Variants in GRAMD4 observed in about 807,000 individuals in gnomAD.
GRAMD4 encodes the protein GRAM domain containing 4.
In GRAMD4, 25 loss-of-function variants were observed where a neutral mutation model predicts 83.9. The observed-to-expected ratio is 0.30, with a 90% CI of 0.22 to 0.42. GRAMD4 has a LOEUF of 0.42. Ranked by LOEUF, GRAMD4 falls within the 10% of genes least tolerant of loss-of-function variation. The pLI is 1.00. For synonymous variants in GRAMD4, 336 were observed against 320.9 expected (o/e 1.05, Z -0.50); for missense variants, 593 against 788.7 (o/e 0.75, Z 2.97).
chr22:46,664,038 A>G lies in GRAMD4; in HGVS notation c.638A>G (p.Lys213Arg). 2 of 1,613,366 alleles carry G rather than the reference A, an allele frequency of 1.2e-6. No homozygotes were observed. The highest frequency in any genetic ancestry group is 1.1e-5 in the South Asian group (1 of 91,076). The change falls in exon 8 of 19, where the codon AAG (lysine) becomes AGG (arginine). Residue 213 changes from lysine (K) to arginine (R), a missense_variant. Around this residue, in one of 4 missense-constraint regions of GRAMD4, gnomAD observed 312 missense variants for 350.7 expected, o/e 0.89. Transcript: ENST00000406902. ...GCTCTGTCCCCAGAGCGCGGTGCCA[A>G]GCCGGTCACTAACTTTGTGAAGAAC... is the stretch of plus-strand genomic sequence containing the variant. ...ENMRRLKRGA[K>R]PVTNFVKNLS...
intron 11 of GRAMD4, 130 bp from the exon 12 acceptor site, chr22:46,668,559 G>A: frequency 1.2e-6 from 1 of 862,356 alleles, no homozygotes; most frequent in Non-Finnish European, 2.0e-6. Flanking sequence ...CGGCCTAGGA[G>A]CAGCCGGGCA....
Position 46,673,813 on chromosome 22 carries a change from G to A in GRAMD4, c.1383G>A (p.Ala461=), listed in dbSNP as rs147965854. 36 of 1,612,700 alleles carry A rather than the reference G, an allele frequency of 2.2e-5. No homozygotes were observed. Among genetic ancestry groups the A allele is most frequent in the Non-Finnish European group, 2.6e-5 (31 of 1,179,934 alleles). The change falls in exon 15 of 19, where the codon GCG becomes GCA. Residue 461 remains alanine (A), a splice_region_variant and synonymous_variant. Coordinates refer to ENST00000406902, the MANE Select transcript of GRAMD4 (RefSeq NM_015124.5). ...FNLTENERPL[A]VCENGWRCCL... Reference sequence around the variant, plus strand: ...TGACAGAAAACGAGCGTCCGCTGGCGGGTATGTGTGCCGTGAGTCTGAGGC... The same window carrying A: ...TGACAGAAAACGAGCGTCCGCTGGCAGGTATGTGTGCCGTGAGTCTGAGGC...
intron 1 of GRAMD4, among the ~76,000 whole-genome samples, chr22:46,586,874 G>A (rs2081155820): frequency 6.6e-6 from 1 of 152,196 alleles, no homozygotes; most frequent in African/African-American, 2.4e-5. Flanking sequence ...GGACCTGGAT[G>A]GGCAGAGGTA....
At chr22:46,662,936 G>T in intron 5 of GRAMD4, 104 bp from the exon 6 acceptor site, 1 of 1,065,154 alleles carries the variant, frequency 9.4e-7, no homozygotes, top group South Asian at 1.6e-5. Context: ...TCTGCTGGCC[G>T]CGCCCTTGCA....
intron 1 of GRAMD4, among the ~76,000 whole-genome samples, chr22:46,577,690 T>G (rs1040253713): frequency 6.6e-6 from 1 of 151,590 alleles, no homozygotes; most frequent in Non-Finnish European, 1.5e-5. Flanking sequence ...CACTCCCGGG[T>G]GGGACGGGAG....
chr22:46,670,499 C>T (rs1056875583), intron 13 of GRAMD4, among the ~76,000 whole-genome samples: 2 of 152,234 alleles, frequency 1.3e-5, no homozygotes, highest in African/African-American at 4.8e-5. Context: ...GGTGCCGAGG[C>T]TCCAGAGCTG....
chr22:46,651,356 T>C (rs1463815638), intron 3 of GRAMD4, among the ~76,000 whole-genome samples: 1 of 152,230 alleles, frequency 6.6e-6, no homozygotes, highest in African/African-American at 2.4e-5. Flanking sequence ...CGCAGCTCAC[T>C]GGGCTGGAAA....
At chr22:46,602,138 G>A (rs1227448623) in intron 1 of GRAMD4, among the ~76,000 whole-genome samples, 2 of 152,234 alleles carry the variant, frequency 1.3e-5, no homozygotes, top group African/African-American at 2.4e-5. Context: ...TCCCACATGG[G>A]TGGGTCCAGC....
At chr22:46,669,508 T>C (rs2082466221) in intron 13 of GRAMD4, among the ~76,000 whole-genome samples, 1 of 152,138 alleles carries the variant, frequency 6.6e-6, no homozygotes, top group African/African-American at 2.4e-5. Context: ...CTCCTTTCTC[T>C]TTTCTTTTTT....
At position 46,628,295 on chromosome 22, in the gene GRAMD4, G is replaced by C. The variant is rs538631107; in HGVS notation, c.162+1334G>C. 7.2e-5 allele frequency among the ~76,000 whole-genome samples: 11 copies of C among 152,352 alleles called. No homozygotes were observed. In the East Asian group the frequency reaches 2.1e-3, roughly 29 times the overall value. The stretch of plus-strand genomic sequence containing the variant: ...GGGACCCTCCCGCCTGAGGGACCCT[G>C]TGAGTACCTGTCCTTGTCCCCTGGT... On this transcript the variant is annotated intron_variant, in intron 2 of 18. Transcript: ENST00000406902.
At chr22:46,629,066 C>A (rs2081724072) in intron 2 of GRAMD4, among the ~76,000 whole-genome samples, 1 of 152,006 alleles carries the variant, frequency 6.6e-6, no homozygotes, top group South Asian at 2.1e-4. Flanking sequence ...GACTGGGGCC[C>A]CCCTTCCTCG....
rs749180536 is a variant in GRAMD4, at chr22:46,665,718, G to A, written c.809+12G>A. The A allele has an allele frequency of 2.6e-5, 37 of 1,437,356 alleles. No individual in the cohort carries two copies. In the Middle Eastern group the frequency reaches 5.2e-4, roughly 20 times the overall value. 89.0% of individuals were successfully genotyped at this position (1,437,356 alleles called of 1,614,324 possible). On this transcript the variant is annotated intron_variant, in intron 9 of 18. Coordinates refer to ENST00000406902, the MANE Select transcript of GRAMD4 (RefSeq NM_015124.5). ...TACCTCATCGCCAGGTAGGTGAGCC[G>A]GTTTGTTGCAGCTGCTTTATCCCAC...
At chr22:46,632,472 T>A (rs1030832081) in intron 2 of GRAMD4, among the ~76,000 whole-genome samples, 1 of 152,116 alleles carries the variant, frequency 6.6e-6, no homozygotes, top group Non-Finnish European at 1.5e-5. Context: ...ACCACTCTAG[T>A]TTTATAGTGA....
chr22:46,606,910 T>A (rs1308398514), intron 1 of GRAMD4, among the ~76,000 whole-genome samples: 1 of 152,232 alleles, frequency 6.6e-6, no homozygotes, highest in East Asian at 1.9e-4. Flanking sequence ...GGTCATATGG[T>A]AGTTCTGTTT....
chr22:46,677,041 G>A (rs1421542628), intron 18 of GRAMD4, 106 bp from the exon 19 acceptor site: 37 of 1,337,116 alleles, frequency 2.8e-5, no homozygotes, highest in South Asian at 1.7e-4. Flanking sequence ...CCAGACCCAC[G>A]TGACTAGCGT....
At position 46,623,676 on chromosome 22, in the gene GRAMD4, A is replaced by G. The variant is rs560627388; in HGVS notation, c.-49-3075A>G. Among the ~76,000 whole-genome samples the G allele has an allele frequency of 2.4e-3, 361 of 152,062 alleles. 2 individuals are homozygous for G. The highest frequency in any genetic ancestry group is 4.1e-3 in the Non-Finnish European group (280 of 67,988). On this transcript the variant is annotated intron_variant, in intron 1 of 18. Transcript: ENST00000406902. ...CTCCCAAAGTGCTGAGATTACAGGC[A>G]TGAGCCACCATGCCCGGCCTAGTTT... is the stretch of plus-strand genomic sequence containing the variant.
intron 18 of GRAMD4, 77 bp downstream of exon 18, chr22:46,676,745 G>A (rs899289401): frequency 2.7e-5 from 35 of 1,308,040 alleles, no homozygotes; most frequent in Admixed American, 7.9e-5. Context: ...TGGGACCAGC[G>A]TGGGGCAGAC....
chr22:46,636,737 G>A (rs1441168948), intron 2 of GRAMD4, among the ~76,000 whole-genome samples: 2 of 152,240 alleles, frequency 1.3e-5, no homozygotes, highest in Non-Finnish European at 2.9e-5. Flanking sequence ...GCGACTGTGT[G>A]GCATCCAGTG....
At chr22:46,591,115 G>A (rs2081203057) in intron 1 of GRAMD4, among the ~76,000 whole-genome samples, 1 of 152,190 alleles carries the variant, frequency 6.6e-6, no homozygotes, top group African/African-American at 2.4e-5. Flanking sequence ...GAAGGCAAGA[G>A]CCCTGGAATG....
Sources: gnomAD v4.1 joint callset for allele counts (sites outside exome capture counted in the v4.1 genomes callset) on GRCh38, gnomAD v4.1.1 for gene constraint, gnomAD v4.1.1 regional missense constraint, MANE v1.5 for transcripts, NCBI Gene and HGNC (gene_info 2026-07-23, HGNC 2026-07-21) for gene names.